Variants in CACNB2 observed in about 807,000 individuals in gnomAD.
CACNB2 encodes voltage-dependent L-type calcium channel subunit beta-2.
In CACNB2, 42 loss-of-function variants were observed where a neutral mutation model predicts 73.3. The ratio of observed to expected loss-of-function variants is 0.57; its 90% CI spans 0.45 to 0.74. The LOEUF (loss-of-function observed/expected upper bound fraction) is 0.74. Among genes scored for constraint, CACNB2 ranks in the 30% least tolerant of loss-of-function variants. CACNB2 has a pLI of 0.00. For synonymous variants in CACNB2, 348 were observed against 310.3 expected, an observed-to-expected ratio of 1.12 and a Z score of -1.28; for missense variants, 940 against 853.0, an observed-to-expected ratio of 1.10 and a Z score of -1.27.
chr10:18,373,829 A>G (rs1212062857), intron 2 of CACNB2, among the ~76,000 whole-genome samples: 1 of 152,194 alleles, frequency 6.6e-6, no homozygotes, highest in Non-Finnish European at 1.5e-5. Flanking sequence ...TACTGAAGAC[A>G]TTGGTGCTTG....
chr10:18,331,737 G>C (rs1365345891), intron 2 of CACNB2, among the ~76,000 whole-genome samples: 1 of 152,148 alleles, frequency 6.6e-6, no homozygotes, highest in Non-Finnish European at 1.5e-5. Flanking sequence ...AACTTAGCCA[G>C]TTAGTTAATG....
chr10:18,488,458 G>C (rs2049194547), intron 3 of CACNB2, among the ~76,000 whole-genome samples: 1 of 107,904 alleles, frequency 9.3e-6, no homozygotes, highest in African/African-American at 3.6e-5. Context: ...CTGGGCGACA[G>C]AGCGAGACTC....
chr10:18,300,486 C>T (rs1001265407), intron 2 of CACNB2, among the ~76,000 whole-genome samples: 4 of 152,222 alleles, frequency 2.6e-5, no homozygotes, highest in Admixed American at 2.0e-4. Flanking sequence ...GAAATACTAT[C>T]ACCTTGTCTA....
chr10:18,372,705 C>T (rs749562910), intron 2 of CACNB2, among the ~76,000 whole-genome samples: 32 of 152,170 alleles, frequency 2.1e-4, no homozygotes, highest in Admixed American at 6.5e-4. Flanking sequence ...CTGTGCCTAG[C>T]GCTGTTTTCA....
intron 2 of CACNB2, among the ~76,000 whole-genome samples, chr10:18,239,023 A>C (rs904230645): frequency 6.6e-6 from 1 of 152,148 alleles, no homozygotes; most frequent in Non-Finnish European, 1.5e-5. Flanking sequence ...TGCTTTCAGG[A>C]AGATTTGAAT....
At chr10:18,530,993 T>C (rs148869697) in intron 10 of CACNB2, among the ~76,000 whole-genome samples, 120 of 152,286 alleles carry the variant, frequency 7.9e-4, no homozygotes, top group African/African-American at 2.8e-3. Context: ...AGAAGGCTTA[T>C]ACAGATTCTT....
intron 2 of CACNB2, among the ~76,000 whole-genome samples, chr10:18,282,485 A>G (rs2038596964): frequency 1.3e-5 from 2 of 152,354 alleles, no homozygotes; most frequent in South Asian, 2.1e-4. Context: ...TTTTACCAGT[A>G]GTCATTTAAA....
chr10:18,195,316 A>G (rs544218778), intron 2 of CACNB2, among the ~76,000 whole-genome samples: 3 of 152,342 alleles, frequency 2.0e-5, no homozygotes, highest in East Asian at 1.9e-4. Context: ...GCCCAGCACT[A>G]TATTCTCATA....
intron 3 of CACNB2, among the ~76,000 whole-genome samples, chr10:18,488,029 G>A (rs887498638): frequency 5.3e-5 from 8 of 150,918 alleles, no homozygotes; most frequent in African/African-American, 1.9e-4. Context: ...GGCTGGTCTC[G>A]AACTCCTGAC....
intron 2 of CACNB2, among the ~76,000 whole-genome samples, chr10:18,367,366 T>C (rs2042400136): frequency 6.6e-6 from 1 of 152,194 alleles, no homozygotes; most frequent in South Asian, 2.1e-4. Context: ...TCTTCACACG[T>C]CTTCTGAAAA....
At chr10:18,370,798 G>T (rs1422442626) in intron 2 of CACNB2, among the ~76,000 whole-genome samples, 1 of 152,112 alleles carries the variant, frequency 6.6e-6, no homozygotes, top group Admixed American at 6.6e-5. Context: ...TTCTCCCATT[G>T]TTGGGCATTT....
At chr10:18,236,980 A>G (rs921707485) in intron 2 of CACNB2, among the ~76,000 whole-genome samples, 7 of 152,200 alleles carry the variant, frequency 4.6e-5, no homozygotes, top group Non-Finnish European at 8.8e-5. Context: ...CTGTAGTACT[A>G]TGCACCAGGC....
chr10:18,427,117 G>A (rs566516490), intron 3 of CACNB2, among the ~76,000 whole-genome samples: 40 of 151,812 alleles, frequency 2.6e-4, no homozygotes, highest in Admixed American at 1.8e-3. Context: ...CACCACGCCC[G>A]GCTAATTTTG....
At chr10:18,458,269 G>C (rs968825880) in intron 3 of CACNB2, among the ~76,000 whole-genome samples, 3 of 152,190 alleles carry the variant, frequency 2.0e-5, no homozygotes, top group African/African-American at 7.2e-5. Context: ...TGAGATTCAA[G>C]TTCAAAAACA....
intron 2 of CACNB2, among the ~76,000 whole-genome samples, chr10:18,282,469 G>C (rs1321975916): frequency 2.0e-5 from 3 of 152,336 alleles, no homozygotes; most frequent in Admixed American, 2.0e-4. Context: ...AATGGTCAAA[G>C]CTGGGTTTTA....
chr10:18,266,880 CT>C (rs1451334985), intron 2 of CACNB2, among the ~76,000 whole-genome samples: 1 of 152,074 alleles, frequency 6.6e-6, no homozygotes. Flanking sequence ...ACAGACGAGA[CT>C]CTATCTCTAA....
At chr10:18,409,005 AC>A (rs1303211285) in intron 3 of CACNB2, among the ~76,000 whole-genome samples, 2 of 151,802 alleles carry the variant, frequency 1.3e-5, no homozygotes. Flanking sequence ...GGCATGCGCC[AC>A]CATGCCTCGC....
In CACNB2 at chr10:18,218,931, A is replaced by T. The variant is rs565177206; in HGVS notation, c.213+67956A>T. 3.9e-5 allele frequency among the ~76,000 whole-genome samples: 6 copies of T among 152,322 alleles called. No homozygotes were observed. In the South Asian group the frequency reaches 1.2e-3, roughly 32 times the overall value. On this transcript the variant is annotated intron_variant, in intron 2 of 13. Transcript: ENST00000324631. Reference sequence around the variant, plus strand: ...GTAATCCCAACACTTTGGTAGGCTGAAGCAGAAGGATCTCTTGAGCCCAGG... The same window carrying T: ...GTAATCCCAACACTTTGGTAGGCTGTAGCAGAAGGATCTCTTGAGCCCAGG...
In CACNB2 at chr10:18,541,310, T is replaced by C. The variant is rs1372096292; in HGVS notation, c.*1586T>C. On this transcript the variant is annotated 3_prime_UTR_variant, in exon 14 of 14. Coordinates refer to ENST00000324631, the MANE Select transcript of CACNB2 (RefSeq NM_201596.3). ...AGTGAATAAAATGTTAAGAATATTA[T>C]CCTACATAAGACATGTACACAGAAG... The C allele has an allele frequency of 6.6e-6, 1 of 152,644 alleles. No individual in the cohort carries two copies. The highest frequency in any genetic ancestry group is 1.5e-5 in the Non-Finnish European group (1 of 68,040). 9.5% of individuals were successfully genotyped at this position (152,644 alleles called of 1,614,324 possible).
Sources: gnomAD v4.1 joint callset for allele counts (sites outside exome capture counted in the v4.1 genomes callset) on GRCh38, gnomAD v4.1.1 for gene constraint, MANE v1.5 for transcripts, NCBI Gene and HGNC (gene_info 2026-07-23, HGNC 2026-07-21) for gene names.